Variants in ZNF574 observed in about 807,000 individuals in gnomAD.
ZNF574 encodes zinc finger protein 574.
A neutral mutation model predicts 56.6 loss-of-function variants in ZNF574; 25 were observed. The observed-to-expected ratio is 0.44, with a 90% confidence interval of 0.32 to 0.62. The LOEUF is 0.62. ZNF574 is among the 20% of genes least tolerant of loss of function. The probability of loss-of-function intolerance (pLI) is 0.04; values close to 1 mark genes in which losing one functional copy is unlikely to be tolerated. For missense variants in ZNF574, 1,065 were observed against 1,218.9 expected, an observed-to-expected ratio of 0.87 and a Z score of 1.88; for synonymous variants, 543 against 492.1, an observed-to-expected ratio of 1.10 and a Z score of -1.37.
At chr19:42,074,923 G>C (rs1216234923), upstream of ZNF574, 1 of 152,264 alleles carries the variant, frequency 6.6e-6, no homozygotes, top group Non-Finnish European at 1.5e-5. Flanking sequence ...TCGCTCTGTC[G>C]CCCAGGCGGG....
rs1482108418 is a variant in ZNF574, at chr19:42,081,423, T to C, written c.*126T>C. On this transcript the variant is annotated 3_prime_UTR_variant, in exon 2 of 2. Coordinates refer to ENST00000359044, the MANE Select transcript of ZNF574 (RefSeq NM_022752.6). ...TCCCCACCACCTTGTAAGTTCTAAA[T>C]TGGATTTATTCTCTCGTGAGGGGGG... The C allele has an allele frequency of 7.7e-7, 1 of 1,297,658 alleles. No individual in the cohort carries two copies. Among genetic ancestry groups the C allele is most frequent in the Admixed American group, 1.9e-5 (1 of 52,346 alleles). The allele number at this position is 1,297,658 out of a possible 1,614,324, so 80.4% of individuals were successfully genotyped here.
chr19:42,076,053 C>G (rs2076452613), upstream of ZNF574: 1 of 152,284 alleles, frequency 6.6e-6, no homozygotes, highest in Non-Finnish European at 1.5e-5. Context: ...GAGACATGAA[C>G]GTCGATTGGC....
chr19:42,074,660 G>T (rs1169595139), upstream of ZNF574: 1 of 152,086 alleles, frequency 6.6e-6, no homozygotes, highest in Non-Finnish European at 1.5e-5. Context: ...TCCAATCCGG[G>T]AATCTGTTTT....
chr19:42,068,541 A>C, exon 1 of ZNF574: 2 of 398,076 alleles, frequency 5.0e-6, no homozygotes, highest in Non-Finnish European at 8.9e-6. Flanking sequence ...GAGGTGGAAA[A>C]GTGACAGAGG....
At chr19:42,073,654 T>C (rs2076439233), upstream of ZNF574, among the ~76,000 whole-genome samples, 1 of 151,160 alleles carries the variant, frequency 6.6e-6, no homozygotes. Flanking sequence ...AAAACCCATC[T>C]CTACCAAAAA....
chr19:42,079,526 A>C lies in ZNF574; in HGVS notation c.920A>C (p.Gln307Pro). ...NSGEAGGAAT[Q>P]ELFCSACDQL... ...GGAGAAGCAGGCGGGGCAGCCACAC[A>C]GGAGCTCTTCTGCTCAGCCTGTGAC... The change falls in exon 2 of 2, where the codon CAG becomes CCG. Residue 307 changes from glutamine to proline, a missense_variant. Transcript: ENST00000359044. This position sits in a 1 kb window ranked among gnomAD's most constrained non-coding sequence, Gnocchi z 4.3. 1 of 1,613,992 alleles carries C rather than the reference A, an allele frequency of 6.2e-7. No individual in the cohort carries two copies. The highest frequency in any genetic ancestry group is 8.5e-7 in the Non-Finnish European group (1 of 1,180,028).
chr19:42,075,096 G>C (rs1253491362), upstream of ZNF574: 1 of 152,036 alleles, frequency 6.6e-6, no homozygotes, highest in African/African-American at 2.4e-5. Flanking sequence ...AGGTTGGCCA[G>C]GTGGGTCTCG....
rs2076484693 is a variant in ZNF574, at chr19:42,079,889, A to T, written c.1283A>T (p.Glu428Val). 6.2e-7 allele frequency: 1 copy of T among 1,613,936 alleles called. No individual in the cohort carries two copies. Among genetic ancestry groups the T allele is most frequent in the Admixed American group, 1.7e-5 (1 of 60,008 alleles). The change falls in exon 2 of 2, where the codon GAG becomes GTG. Residue 428 changes from glutamate to valine, a missense_variant. Coordinates refer to ENST00000359044, the MANE Select transcript of ZNF574 (RefSeq NM_022752.6). The surrounding 1 kb of genome is among the most constrained non-coding windows in gnomAD (Gnocchi z 4.3). ...VPLPTTPVPP[E>V]EPVIGFPEPA... is the part of the protein sequence containing the mutation. The stretch of plus-strand genomic sequence containing the variant: ...CTGCCCACAACACCAGTCCCACCAG[A>T]GGAACCTGTCATTGGTTTCCCTGAG...
upstream of ZNF574, among the ~76,000 whole-genome samples, chr19:42,072,185 A>G (rs1179490320): frequency 1.3e-5 from 2 of 151,992 alleles, no homozygotes; most frequent in African/African-American, 4.8e-5. Flanking sequence ...AGTCCAAGCA[A>G]AAGGCCTGAG....
rs768015617 is a variant in ZNF574 at position 42,079,995 on chromosome 19, A to G, written c.1389A>G (p.Pro463=). The G allele has an allele frequency of 3.7e-6, 6 of 1,613,806 alleles. No individual in the cohort carries two copies. In the East Asian group the frequency reaches 1.1e-4, roughly 30 times the overall value. Residue 463 remains proline (P), a synonymous_variant, in exon 2 of 2, where the codon CCA becomes CCG. Coordinates refer to ENST00000359044, the MANE Select transcript of ZNF574 (RefSeq NM_022752.6). This position sits in a 1 kb window ranked among gnomAD's most constrained non-coding sequence, Gnocchi z 4.3. ...AGACCTCAGCAGGGCCCGCTGCCCC[A>G]GGCACCTACCGCTGCCTCCTGTGCA... is the stretch of plus-strand genomic sequence containing the variant. The part of the protein sequence containing the change: ...SEETSAGPAA[P]GTYRCLLCSR...
chr19:42,080,729 C>T lies in ZNF574; in HGVS notation c.2123C>T (p.Pro708Leu), dbSNP rs2032610830. 2 of 1,613,658 alleles carry T rather than the reference C, an allele frequency of 1.2e-6. No homozygotes were observed. The highest frequency in any genetic ancestry group is 2.2e-5 in the South Asian group (2 of 91,088). Reference sequence around the variant, plus strand: ...AAGGAGCCCCCTGCCCCTCGAGCCCCACGGGCCACTCGTGCACCAGTTGCC... The same window carrying T: ...AAGGAGCCCCCTGCCCCTCGAGCCCTACGGGCCACTCGTGCACCAGTTGCC... ...LAKEPPAPRAPRATRAPVASP... is the reference protein window; with the variant it reads ...LAKEPPAPRALRATRAPVASP... Residue 708 changes from proline to leucine, a missense_variant, in exon 2 of 2, where the codon CCA becomes CTA. Transcript: ENST00000359044. This position sits in a 1 kb window ranked among gnomAD's most constrained non-coding sequence, Gnocchi z 8.5.
upstream of ZNF574, among the ~76,000 whole-genome samples, chr19:42,072,382 C>T (rs1433854570): frequency 6.6e-6 from 1 of 150,902 alleles, no homozygotes; most frequent in Non-Finnish European, 1.5e-5. Context: ...CTACAGGCGC[C>T]CACCACCACA....
chr19:42,080,664 G>C lies in ZNF574; in HGVS notation c.2058G>C (p.Glu686Asp). The change falls in exon 2 of 2, where the codon GAG (glutamate) becomes GAC (aspartate). Residue 686 changes from glutamate (E) to aspartate (D), a missense_variant. By Grantham distance (45) the Glu-to-Asp change is conservative. Transcript: ENST00000359044. The surrounding 1 kb of genome is among the most constrained non-coding windows in gnomAD (Gnocchi z 8.5). Reference protein sequence around the residue: ...VGSAARLQAHEAAHAAAGPGE... With the variant: ...VGSAARLQAHDAAHAAAGPGE... Reference sequence around the variant, plus strand: ...CAGCTGCTCGACTGCAGGCACACGAGGCGGCCCATGCAGCTGCTGGGCCTG... The same window carrying C: ...CAGCTGCTCGACTGCAGGCACACGACGCGGCCCATGCAGCTGCTGGGCCTG... 1 of 1,613,152 alleles carries C rather than the reference G, an allele frequency of 6.2e-7. No individual in the cohort carries two copies. Among genetic ancestry groups the C allele is most frequent in the Non-Finnish European group, 8.5e-7 (1 of 1,179,898 alleles).
At chr19:42,074,122 AGAGT>A (rs2076441877), upstream of ZNF574, among the ~76,000 whole-genome samples, 3 of 122,716 alleles carry the variant, frequency 2.4e-5, no homozygotes, top group South Asian at 7.4e-4. Context: ...GGTGGGCGAC[AGAGT>A]GAGACTCCAT....
chr19:42,072,854 C>T (rs2076433840), upstream of ZNF574, among the ~76,000 whole-genome samples: 2 of 152,222 alleles, frequency 1.3e-5, no homozygotes, highest in Non-Finnish European at 2.9e-5. Flanking sequence ...GTGTGACCCA[C>T]CGCACCCAGC....
At chr19:42,077,336 G>C (rs960731768) in intron 1 of ZNF574, among the ~76,000 whole-genome samples, 3 of 152,152 alleles carry the variant, frequency 2.0e-5, no homozygotes, top group African/African-American at 7.2e-5. Flanking sequence ...TGTGAAAGAT[G>C]GGTGTGTGGA....
upstream of ZNF574, among the ~76,000 whole-genome samples, chr19:42,072,556 TTTTC>T (rs369344245): frequency 6.6e-3 from 1,004 of 151,434 alleles, 9 homozygotes; most frequent in East Asian, 0.011. Flanking sequence ...TTCTTTTATT[TTTTC>T]TTTCTTTCTT....
rs1236027715 is a variant in ZNF574 at position 42,078,706 on chromosome 19, C to G, written c.100C>G (p.His34Asp). ...LYGSLEEVLM[H>D]QNSHVPQQHF... ...TGGATCACTGGAAGAGGTGCTTATG[C>G]ACCAAAACTCCCACGTGCCCCAGCA... Residue 34 changes from histidine to aspartate, a missense_variant, in exon 2 of 2, where the codon CAC becomes GAC. Physicochemically the swap from His to Asp is moderately conservative, Grantham distance 81 (BLOSUM62 -1). Transcript: ENST00000359044. 1 of 1,614,066 alleles carries G rather than the reference C, an allele frequency of 6.2e-7. No homozygotes were observed. The highest frequency in any genetic ancestry group is 1.7e-5 in the Admixed American group (1 of 60,014).
Position 42,069,205 on chromosome 19 carries a change from A to AG in ZNF574, c.250+245dup. The AG allele has an allele frequency of 1.2e-5, 4 of 346,302 alleles. No homozygotes were observed. The South Asian group carries it at 4.8e-4, about 41-fold the overall frequency. 21.5% of individuals were successfully genotyped at this position (346,302 alleles called of 1,614,324 possible). A position where few individuals can be genotyped will look rare whatever the true frequency, so the allele number is the denominator to read the frequency against. ...ACCAGAGCCCAGCCTTCCAGGACCC[A>AG]GAACCCAGCCCAATCCCTGCCCTGC... On this transcript the variant is annotated intron_variant, in intron 1 of 1. Coordinates refer to the ZNF574 transcript ENST00000222339.
Sources: gnomAD v4.1 joint callset for allele counts (sites outside exome capture counted in the v4.1 genomes callset) on GRCh38, gnomAD v4.1.1 for gene constraint, Gnocchi (gnomAD v3.1) non-coding constraint, MANE v1.5 for transcripts, NCBI Gene and HGNC (gene_info 2026-07-23, HGNC 2026-07-21) for gene names.